The following AKAP7 variants were observed in gnomAD, a reference collection of about 807,000 sequenced individuals.
The protein encoded by AKAP7 is A kinase (PRKA) anchor protein 7.
AKAP7 carries 39 observed loss-of-function variants against 39.5 expected under a neutral mutation model. The ratio of observed to expected loss-of-function variants is 0.99; its 90% CI spans 0.76 to 1.29. The LOEUF is 1.29. AKAP7 is among the 50% of genes most tolerant of loss of function. The pLI is 0.00. For missense variants in AKAP7, 414 were observed against 407.7 expected, an observed-to-expected ratio of 1.02 and a Z score of -0.13; for synonymous variants, 140 against 139.1, an observed-to-expected ratio of 1.01 and a Z score of -0.05.
chr6:131,219,128 G>A (rs1053735841), intron 6 of AKAP7, among the ~76,000 whole-genome samples: 6 of 151,298 alleles, frequency 4.0e-5, no homozygotes, highest in African/African-American at 1.5e-4. Context: ...ATATTTTTTT[G>A]TGGTGACAGA....
At chr6:131,203,161 A>G (rs1372239104) in intron 6 of AKAP7, among the ~76,000 whole-genome samples, 1 of 152,236 alleles carries the variant, frequency 6.6e-6, no homozygotes, top group Non-Finnish European at 1.5e-5. Flanking sequence ...GGTGGCATAC[A>G]TACAAGATGA....
intron 7 of AKAP7, among the ~76,000 whole-genome samples, chr6:131,236,311 T>C (rs1811055885): frequency 6.6e-6 from 1 of 152,192 alleles, no homozygotes; most frequent in African/African-American, 2.4e-5. Context: ...ACTGTAGCCT[T>C]GTAGTATAGT....
chr6:131,188,523 A>T, intron 5 of AKAP7, among the ~76,000 whole-genome samples: 1 of 151,972 alleles, frequency 6.6e-6, no homozygotes, highest in East Asian at 1.9e-4. Context: ...TTAATTACAC[A>T]TTAGTTTTGT....
At chr6:131,205,277 A>C (rs945640209) in intron 6 of AKAP7, among the ~76,000 whole-genome samples, 4 of 152,162 alleles carry the variant, frequency 2.6e-5, no homozygotes, top group Non-Finnish European at 5.9e-5. Context: ...TTAGATTCAA[A>C]GTCAGAGCTA....
chr6:131,131,946 G>A (rs758277465), upstream of AKAP7, among the ~76,000 whole-genome samples: 1 of 152,090 alleles, frequency 6.6e-6, no homozygotes, highest in African/African-American at 2.4e-5. Flanking sequence ...TGACATAGAG[G>A]CTTAAAAATC....
At chr6:131,258,163 A>G (rs1813016709) in intron 7 of AKAP7, among the ~76,000 whole-genome samples, 1 of 152,200 alleles carries the variant, frequency 6.6e-6, no homozygotes, top group Non-Finnish European at 1.5e-5. Context: ...AAGGAATAGC[A>G]GGTTCACTTC....
intron 5 of AKAP7, among the ~76,000 whole-genome samples, chr6:131,198,694 T>C (rs1020259109): frequency 3.3e-5 from 5 of 152,168 alleles, no homozygotes; most frequent in African/African-American, 1.2e-4. Context: ...ATAGAAGGCC[T>C]TGGACACTCA....
intron 7 of AKAP7, among the ~76,000 whole-genome samples, chr6:131,277,783 G>A (rs1001947543): frequency 1.3e-5 from 2 of 152,188 alleles, no homozygotes; most frequent in Non-Finnish European, 2.9e-5. Flanking sequence ...AGGATACTTT[G>A]TGGAAATCAT....
At chr6:131,260,454 G>A (rs977305580) in intron 7 of AKAP7, among the ~76,000 whole-genome samples, 8 of 151,926 alleles carry the variant, frequency 5.3e-5, no homozygotes, top group African/African-American at 1.9e-4. Context: ...CTCCAGCCTC[G>A]CCAGCATCTG....
intron 7 of AKAP7, among the ~76,000 whole-genome samples, chr6:131,274,575 CA>C (rs1329652365): frequency 2.0e-5 from 3 of 152,096 alleles, no homozygotes; most frequent in Admixed American, 2.0e-4. Context: ...TGGGCTCAAG[CA>C]ATCCTCCTGC....
At chr6:131,217,214 A>T (rs1292820527) in intron 6 of AKAP7, among the ~76,000 whole-genome samples, 1 of 152,180 alleles carries the variant, frequency 6.6e-6, no homozygotes, top group East Asian at 1.9e-4. Context: ...TTGCCATCCC[A>T]GTGGATTCAT....
At chr6:131,151,289 T>A (rs1179733412) in intron 2 of AKAP7, among the ~76,000 whole-genome samples, 1 of 151,498 alleles carries the variant, frequency 6.6e-6, no homozygotes, top group Non-Finnish European at 1.5e-5. Flanking sequence ...GTGATCCACC[T>A]GCCTCAGCCT....
At chr6:131,183,912 C>T (rs1018984642) in intron 5 of AKAP7, among the ~76,000 whole-genome samples, 2 of 152,152 alleles carry the variant, frequency 1.3e-5, no homozygotes, top group African/African-American at 4.8e-5. Context: ...AGGCTCTGGC[C>T]TGGCTCGCCT....
At chr6:131,205,597 A>G (rs1020516903) in intron 6 of AKAP7, among the ~76,000 whole-genome samples, 110 of 152,258 alleles carry the variant, frequency 7.2e-4, no homozygotes, top group African/African-American at 2.5e-3. Context: ...CTGATGTGAA[A>G]CTTCTTCTGT....
intron 7 of AKAP7, among the ~76,000 whole-genome samples, chr6:131,254,102 T>G (rs376477896): frequency 1.3e-5 from 2 of 152,256 alleles, no homozygotes; most frequent in Non-Finnish European, 2.9e-5. Context: ...TTTGTTTAAA[T>G]CTTGGAAATT....
chr6:131,216,895 A>G (rs1809236130), intron 6 of AKAP7, among the ~76,000 whole-genome samples: 1 of 152,208 alleles, frequency 6.6e-6, no homozygotes, highest in Non-Finnish European at 1.5e-5. Flanking sequence ...CAGGGTTGCA[A>G]CACCCATAGC....
intron 2 of AKAP7, among the ~76,000 whole-genome samples, chr6:131,158,452 C>T (rs1460454747): frequency 6.6e-6 from 1 of 152,126 alleles, no homozygotes; most frequent in Non-Finnish European, 1.5e-5. Flanking sequence ...CAAAATAACA[C>T]CTCAGAAAAT....
At chr6:131,220,329 A>G (rs1038450105) in intron 7 of AKAP7, among the ~76,000 whole-genome samples, 4 of 152,252 alleles carry the variant, frequency 2.6e-5, no homozygotes, top group Non-Finnish European at 5.9e-5. Flanking sequence ...GTCAGATGGC[A>G]GGAGATGAGA....
rs552908242 is a variant in AKAP7 at position 131,241,382 on chromosome 6, A to T, written c.850+21574A>T. The stretch of plus-strand genomic sequence containing the variant: ...ATTTTGCAAAACAGAAGAGAACCCT[A>T]GGTTGGCTCCCAGATTTGGGGTTTA... On this transcript the variant is annotated intron_variant, in intron 7 of 7. Transcript: ENST00000431975. Among the ~76,000 whole-genome samples, 53 of 152,182 alleles carry T rather than the reference A, an allele frequency of 3.5e-4. 1 individual carries two copies. The highest frequency in any genetic ancestry group is 1.3e-3 in the African/African-American group (53 of 41,514).
Sources: allele counts gnomAD v4.1 joint callset (sites outside exome capture counted in the v4.1 genomes callset), GRCh38; gene constraint gnomAD v4.1.1; transcripts MANE v1.5; gene names NCBI Gene and HGNC (gene_info 2026-07-23, HGNC 2026-07-21).